ATPSCKMT: variants seen among roughly 807,000 people sequenced by gnomAD.
ATPSCKMT encodes ATP synthase subunit C lysine N-methyltransferase.
Under a neutral mutation model 24.3 loss-of-function variants are expected in ATPSCKMT, and 24 were observed. That is an observed-to-expected ratio of 0.99 (90% confidence interval 0.71 to 1.39). The LOEUF (loss-of-function observed/expected upper bound fraction) is 1.39, where lower values mean the gene tolerates loss of function less well. Ranked by LOEUF, ATPSCKMT falls within the 40% of genes most tolerant of loss-of-function variation. The probability of loss-of-function intolerance (pLI) is 0.00; values close to 1 mark genes in which losing one functional copy is unlikely to be tolerated. For synonymous variants in ATPSCKMT, 95 were observed against 110.5 expected, an observed-to-expected ratio of 0.86 and a Z score of 0.88; for missense variants, 311 against 298.4, an observed-to-expected ratio of 1.04 and a Z score of -0.31.
intron 1 of ATPSCKMT, among the ~76,000 whole-genome samples, chr5:10,241,790 G>A (rs1395692202): frequency 2.0e-5 from 3 of 152,154 alleles, no homozygotes; most frequent in Non-Finnish European, 4.4e-5. Context: ...AGTGAGTATT[G>A]CAATAAAGCA....
Position 10,239,251 on chromosome 5 carries a change from G to C in ATPSCKMT, c.122C>G (p.Thr41Ser). Residue 41 changes from threonine (T) to serine (S), a missense_variant, in exon 2 of 5, where the codon ACT becomes AGT. Transcript: ENST00000511437. The part of the protein sequence containing the change: ...LQKSNWGFLL[T>S]GLVGGTLVAV... The stretch of plus-strand genomic sequence containing the variant: ...CACCAGGGTGCCACCCACAAGCCCA[G>C]TAAGTAAGAACCCCCAGTTGCTTTT... 1 of 1,614,208 alleles carries C rather than the reference G, an allele frequency of 6.2e-7. No individual in the cohort carries two copies. The highest frequency in any genetic ancestry group is 1.3e-5 in the African/African-American group (1 of 75,060).
intron 1 of ATPSCKMT, among the ~76,000 whole-genome samples, chr5:10,245,827 A>G (rs557584719): frequency 7.7e-4 from 118 of 152,308 alleles, no homozygotes; most frequent in African/African-American, 2.6e-3. Flanking sequence ...CAAAGCATTT[A>G]GCACAAGCCT....
intron 4 of ATPSCKMT, among the ~76,000 whole-genome samples, chr5:10,229,544 T>G (rs1744031677): frequency 6.6e-6 from 1 of 152,192 alleles, no homozygotes; most frequent in Non-Finnish European, 1.5e-5. Flanking sequence ...ATGAGTAGTT[T>G]GTGGGGAGAT....
At chr5:10,245,607 C>A (rs189366307) in intron 1 of ATPSCKMT, among the ~76,000 whole-genome samples, 1 of 151,948 alleles carries the variant, frequency 6.6e-6, no homozygotes, top group East Asian at 1.9e-4. Context: ...ATTAGCCAGG[C>A]CTGGTGGTGT....
chr5:10,245,889 T>C (rs75284971), intron 1 of ATPSCKMT, among the ~76,000 whole-genome samples: 3 of 152,206 alleles, frequency 2.0e-5, no homozygotes, highest in Non-Finnish European at 4.4e-5. Flanking sequence ...AATACTATCA[T>C]ATGCAAGGAG....
Position 10,225,625 on chromosome 5 carries a change from G to A in ATPSCKMT, c.*1816C>T, listed in dbSNP as rs1369002399. Among the ~76,000 whole-genome samples, 1 of 152,062 alleles carries A rather than the reference G, an allele frequency of 6.6e-6. No homozygotes were observed. The highest frequency in any genetic ancestry group is 1.5e-5 in the Non-Finnish European group (1 of 68,026). ...AAACTCCCCCCTAAAATAACCATCA[G>A]ATCTCATTAAACTTACTCACTATCA... On this transcript the variant is annotated 3_prime_UTR_variant, in exon 5 of 5. Transcript: ENST00000511437.
chr5:10,249,829 A>G (rs1442063353), intron 1 of ATPSCKMT, 29 bp downstream of exon 1: 3 of 1,249,448 alleles, frequency 2.4e-6, no homozygotes, highest in African/African-American at 1.8e-5. Flanking sequence ...TCATGCCCCC[A>G]GGAACCCGCC....
chr5:10,233,425 C>T (rs939382191), intron 4 of ATPSCKMT, among the ~76,000 whole-genome samples: 9 of 152,202 alleles, frequency 5.9e-5, no homozygotes, highest in African/African-American at 1.4e-4. Context: ...TTACAGGGAA[C>T]GTGGACACTT....
chr5:10,235,237 C>T lies in ATPSCKMT; in HGVS notation c.469G>A (p.Val157Ile), dbSNP rs1473709457. 1.2e-6 allele frequency: 2 copies of T among 1,613,622 alleles called. No homozygotes were observed. Among genetic ancestry groups the T allele is most frequent in the South Asian group, 1.1e-5 (1 of 91,044 alleles). Residue 157 changes from valine (V) to isoleucine (I), a missense_variant, in exon 4 of 5, where the codon GTT becomes ATT. Physicochemically the swap from Val to Ile is conservative, Grantham distance 29. Transcript: ENST00000511437. ...ATCTGAGGCACACCGAAAATAACAA[C>T]GTTCGAGTACTGCGAAAAAGTAACC... ...WKVTFSQYSN[V>I]VIFGVPQMML...
chr5:10,243,403 G>C (rs1445985056), intron 1 of ATPSCKMT, among the ~76,000 whole-genome samples: 2 of 152,106 alleles, frequency 1.3e-5, no homozygotes, highest in African/African-American at 2.4e-5. Flanking sequence ...AGAATCATTT[G>C]AACCCGGGAG....
intron 1 of ATPSCKMT, 105 bp from the exon 2 acceptor site, chr5:10,239,461 A>G (rs1429327720): frequency 2.0e-6 from 2 of 1,022,412 alleles, no homozygotes; most frequent in Non-Finnish European, 2.8e-6. Context: ...ATGCTTTTTA[A>G]AGGATAATTT....
intron 1 of ATPSCKMT, among the ~76,000 whole-genome samples, chr5:10,246,196 G>A (rs1744915935): frequency 2.0e-5 from 3 of 152,050 alleles, no homozygotes; most frequent in South Asian, 4.1e-4. Flanking sequence ...TTGGGAGGCC[G>A]AGGTGGGCGG....
intron 1 of ATPSCKMT, 175 bp downstream of exon 1, chr5:10,249,683 G>A (rs1283296895): frequency 1.9e-6 from 2 of 1,044,392 alleles, no homozygotes; most frequent in African/African-American, 3.4e-5. Context: ...GAACCGGCGC[G>A]GGCACCGCGC....
At chr5:10,241,297 C>T (rs2578629) in intron 1 of ATPSCKMT, among the ~76,000 whole-genome samples, 140,100 of 152,246 alleles carry the variant, frequency 0.92, 64,673 homozygotes, top group Middle Eastern at 0.99. Context: ...CTCAAGACCA[C>T]TGATTACATC....
At chr5:10,236,968 C>A (rs1346269712) in intron 2 of ATPSCKMT, 2 of 1,319,248 alleles carry the variant, frequency 1.5e-6, no homozygotes, top group Admixed American at 4.5e-5. Context: ...AGTGGGCTAG[C>A]ACAGCAGCAG....
At position 10,235,201 on chromosome 5, in the gene ATPSCKMT, G is replaced by A. The variant is rs756485608; in HGVS notation, c.495+10C>T. 1.9e-6 allele frequency: 3 copies of A among 1,613,368 alleles called. No homozygotes were observed. Among genetic ancestry groups the A allele is most frequent in the South Asian group, 1.1e-5 (1 of 91,028 alleles). ...AACCCCAAACAGAGAGCAGGAAAGT[G>A]CATACTCACCATCTGAGGCACACCG... On this transcript the variant is annotated intron_variant, in intron 4 of 4. Transcript: ENST00000511437.
In ATPSCKMT at chr5:10,229,849, G is replaced by A. The variant is rs1561025207; in HGVS notation, c.496-2202C>T. 1.3e-5 allele frequency among the ~76,000 whole-genome samples: 2 copies of A among 152,136 alleles called. 1 individual carries two copies. Among genetic ancestry groups the A allele is most frequent in the Admixed American group, 1.3e-4 (2 of 15,266 alleles). ...TCGAATTCTCCTAATTTGGCCACTG[G>A]GAGGCTCTTGCCGCTGGCTTCTCTG... On this transcript the variant is annotated intron_variant, in intron 4 of 4. Transcript: ENST00000511437.
intron 2 of ATPSCKMT, among the ~76,000 whole-genome samples, chr5:10,237,922 T>A (rs925161965): frequency 6.6e-6 from 1 of 152,078 alleles, no homozygotes; most frequent in Non-Finnish European, 1.5e-5. Context: ...AATTTTTGTA[T>A]TTTTAGTAGA....
intron 4 of ATPSCKMT, among the ~76,000 whole-genome samples, chr5:10,230,985 C>A (rs1744103214): frequency 7.2e-6 from 1 of 138,274 alleles, no homozygotes; most frequent in Admixed American, 7.2e-5. Flanking sequence ...TGGCCCGAAC[C>A]CCAGACTCCT....
Sources: allele counts gnomAD v4.1 joint callset (sites outside exome capture counted in the v4.1 genomes callset), GRCh38; gene constraint gnomAD v4.1.1; transcripts MANE v1.5; gene names NCBI Gene and HGNC (gene_info 2026-07-23, HGNC 2026-07-21).